Variants in FSTL4 observed in about 807,000 individuals in gnomAD.
The protein encoded by FSTL4 is follistatin-related protein 4.
A neutral mutation model predicts 78.2 loss-of-function variants in FSTL4; 28 were observed. That is an observed-to-expected ratio of 0.36 (90% CI 0.27 to 0.49). The LOEUF is 0.49. Ranked by LOEUF, FSTL4 falls within the 20% of genes least tolerant of loss-of-function variation. The probability of loss-of-function intolerance (pLI) is 0.98; values close to 1 mark genes in which losing one functional copy is unlikely to be tolerated. For missense variants in FSTL4, 922 were observed against 1,084.9 expected (o/e 0.85, Z 2.11); for synonymous variants, 422 against 440.5 (o/e 0.96, Z 0.53).
chr5:133,762,902 G>A, the FSTL4 span, among the ~76,000 whole-genome samples: 1 of 152,182 alleles, frequency 6.6e-6, no homozygotes, highest in Non-Finnish European at 1.5e-5. Flanking sequence ...TGAAGCTGCT[G>A]GACCTGGGGA....
At chr5:133,661,662 A>G in the FSTL4 span, among the ~76,000 whole-genome samples, 1 of 152,242 alleles carries the variant, frequency 6.6e-6, no homozygotes, top group Admixed American at 6.5e-5. Context: ...TAATCAAAGC[A>G]TGGAAAAGTA....
chr5:133,635,494 T>C, the FSTL4 span, among the ~76,000 whole-genome samples: 1 of 152,238 alleles, frequency 6.6e-6, no homozygotes, highest in Non-Finnish European at 1.5e-5. Context: ...CTGGGCACAG[T>C]GGCTCATGCC....
intron 1 of FSTL4, among the ~76,000 whole-genome samples, chr5:133,608,564 T>G (rs1761022214): frequency 6.6e-6 from 1 of 152,256 alleles, no homozygotes; most frequent in East Asian, 1.9e-4. Flanking sequence ...ATGGCACACT[T>G]ACATCTAGAG....
intron 4 of FSTL4, among the ~76,000 whole-genome samples, chr5:133,347,943 C>T (rs1451725945): frequency 6.6e-6 from 1 of 152,160 alleles, no homozygotes; most frequent in East Asian, 1.9e-4. Flanking sequence ...ACTAGCATAT[C>T]CAGCCCCTCA....
the FSTL4 span, among the ~76,000 whole-genome samples, chr5:133,718,824 A>G: frequency 6.6e-6 from 1 of 152,226 alleles, no homozygotes; most frequent in African/African-American, 2.4e-5. Context: ...CTCCTATTCA[A>G]GTAAATGTAT....
At chr5:133,765,907 G>C in the FSTL4 span, among the ~76,000 whole-genome samples, 278 of 152,320 alleles carry the variant, frequency 1.8e-3, no homozygotes, top group African/African-American at 6.1e-3. Flanking sequence ...AGTCAAGAGA[G>C]CCACACTGAG....
intron 4 of FSTL4, among the ~76,000 whole-genome samples, chr5:133,384,530 G>GAT (rs1429146312): frequency 6.6e-6 from 1 of 152,222 alleles, no homozygotes; most frequent in East Asian, 1.9e-4. Context: ...GGGCAGGTGT[G>GAT]ATGGTTAATT....
chr5:133,237,597 G>A (rs888203947), intron 7 of FSTL4, among the ~76,000 whole-genome samples: 1 of 152,152 alleles, frequency 6.6e-6, no homozygotes, highest in African/African-American at 2.4e-5. Flanking sequence ...GTAAAATAAC[G>A]TCTCTGGGTG....
chr5:133,331,515 T>C (rs1243913027), intron 4 of FSTL4, among the ~76,000 whole-genome samples: 1 of 152,168 alleles, frequency 6.6e-6, no homozygotes, highest in Non-Finnish European at 1.5e-5. Context: ...GGTCATTTAC[T>C]TTAGAAGAAA....
intron 4 of FSTL4, among the ~76,000 whole-genome samples, chr5:133,394,660 C>T (rs979689972): frequency 2.0e-5 from 3 of 152,170 alleles, no homozygotes; most frequent in African/African-American, 7.2e-5. Context: ...CTGCGTGGCC[C>T]GAGCCTCCCC....
chr5:133,696,268 G>T, the FSTL4 span, among the ~76,000 whole-genome samples: 2 of 152,176 alleles, frequency 1.3e-5, no homozygotes, highest in Non-Finnish European at 2.9e-5. Flanking sequence ...GGGACTGGGG[G>T]GTATCTTTGG....
At chr5:133,461,924 C>G (rs1250541629) in intron 3 of FSTL4, among the ~76,000 whole-genome samples, 1 of 152,138 alleles carries the variant, frequency 6.6e-6, no homozygotes, top group Non-Finnish European at 1.5e-5. Context: ...TGGCTCTCAG[C>G]AAGGATGAGA....
At chr5:133,603,800 C>T in intron 2 of FSTL4, 58 bp downstream of exon 2, 2 of 1,566,278 alleles carry the variant, frequency 1.3e-6, no homozygotes, top group Non-Finnish European at 1.8e-6. Context: ...AAATCAGATA[C>T]TGTAACATCG....
At chr5:133,401,208 T>C (rs923115817) in intron 3 of FSTL4, among the ~76,000 whole-genome samples, 2 of 152,220 alleles carry the variant, frequency 1.3e-5, no homozygotes. Context: ...TCAGGTTTCA[T>C]GGCTGACTCA....
chr5:133,421,136 G>A (rs1290215401), intron 3 of FSTL4, among the ~76,000 whole-genome samples: 1 of 152,228 alleles, frequency 6.6e-6, no homozygotes, highest in Non-Finnish European at 1.5e-5. Flanking sequence ...GCCTGGGTGT[G>A]GGTATGGGTG....
chr5:133,297,677 C>G (rs1441454060), intron 6 of FSTL4, among the ~76,000 whole-genome samples: 2 of 152,240 alleles, frequency 1.3e-5, no homozygotes, highest in African/African-American at 4.8e-5. Context: ...CATGAGAATC[C>G]TGTGCACCTG....
At chr5:133,600,987 A>T (rs181516178) in intron 2 of FSTL4, among the ~76,000 whole-genome samples, 1 of 152,250 alleles carries the variant, frequency 6.6e-6, no homozygotes. Flanking sequence ...ACTGTGAGTT[A>T]TCGATACATT....
chr5:133,595,948 G>A (rs1195285052), intron 2 of FSTL4, among the ~76,000 whole-genome samples: 4 of 152,194 alleles, frequency 2.6e-5, no homozygotes, highest in Non-Finnish European at 5.9e-5. Flanking sequence ...TGCCTTAGGC[G>A]GCAGCACAGG....
chr5:133,621,263 G>A, the FSTL4 span, among the ~76,000 whole-genome samples: 1 of 152,180 alleles, frequency 6.6e-6, no homozygotes, highest in African/African-American at 2.4e-5. Flanking sequence ...AGCTGGGCGT[G>A]TTGGCATGTG....
Sources: allele counts gnomAD v4.1 joint callset (sites outside exome capture counted in the v4.1 genomes callset), GRCh38; gene constraint gnomAD v4.1.1; transcripts MANE v1.5; gene names NCBI Gene and HGNC (gene_info 2026-07-23, HGNC 2026-07-21).